The following JPH2 variants were observed in gnomAD, a reference collection of about 807,000 sequenced individuals.
The protein encoded by JPH2 is junctophilin-2.
In JPH2, 38 loss-of-function variants were observed where a neutral mutation model predicts 55.9. The ratio of observed to expected loss-of-function variants is 0.68; its 90% CI spans 0.52 to 0.89. JPH2 has a LOEUF of 0.89. JPH2 is among the 40% of genes least tolerant of loss of function. JPH2 has a pLI of 0.00. For missense variants in JPH2, 964 were observed against 1,037.6 expected (o/e 0.93, Z 0.97); for synonymous variants, 480 against 472.4 (o/e 1.02, Z -0.21).
At chr20:44,128,878 T>A (rs1261733250) in intron 2 of JPH2, among the ~76,000 whole-genome samples, 1 of 152,126 alleles carries the variant, frequency 6.6e-6, no homozygotes, top group East Asian at 1.9e-4. Context: ...CCAAGTTGGT[T>A]AGGAACACAG....
chr20:44,160,126 A>G lies in JPH2; in HGVS notation c.661T>C (p.Phe221Leu), dbSNP rs558770240. The part of the protein sequence containing the change: ...AARAPKGGGL[F>L]QRGALLGKLR... ...TTGCCCAGCAGCGCGCCCCGCTGGA[A>G]GAGGCCGCCGCCCTTGGGCGCCCGC... The change falls in exon 2 of 6, where the codon TTC becomes CTC. Residue 221 changes from phenylalanine (F) to leucine (L), a missense_variant. Phe to Leu is a conservative substitution (Grantham distance 22, BLOSUM62 0). Transcript: ENST00000372980. The surrounding 1 kb of genome is among the most constrained non-coding windows in gnomAD (Gnocchi z 4.9). The G allele has an allele frequency of 1.1e-3, 1,647 of 1,502,424 alleles. 16 individuals are homozygous for G. In the African/African-American group the frequency reaches 0.021, roughly 19 times the overall value. The allele number at this position is 1,502,424 out of a possible 1,614,324, so 93.1% of individuals were successfully genotyped here.
chr20:44,137,922 G>A (rs1268766266), intron 2 of JPH2, among the ~76,000 whole-genome samples: 1 of 152,050 alleles, frequency 6.6e-6, no homozygotes, highest in Non-Finnish European at 1.5e-5. Flanking sequence ...CTACTGGCAG[G>A]ACCAAGAATG....
In JPH2 at chr20:44,111,738, T is replaced by C. The variant is rs1330983026; in HGVS notation, c.*1780A>G. On this transcript the variant is annotated 3_prime_UTR_variant, in exon 6 of 6. Transcript: ENST00000372980. ...GTTTATTATTGCACAGACTGCAGCATCCTGAACCCCAAACCCAACCCCAAA... is the reference window on the plus strand; with the variant it reads ...GTTTATTATTGCACAGACTGCAGCACCCTGAACCCCAAACCCAACCCCAAA... The C allele has an allele frequency of 1.3e-5, 2 of 151,134 alleles. No individual in the cohort carries two copies. Among genetic ancestry groups the C allele is most frequent in the Admixed American group, 1.3e-4 (2 of 15,136 alleles). 9.4% of individuals were successfully genotyped at this position (151,134 alleles called of 1,614,324 possible).
At chr20:44,114,745 C>T in intron 5 of JPH2, 37 bp downstream of exon 5, 1 of 1,490,108 alleles carries the variant, frequency 6.7e-7, no homozygotes, top group Non-Finnish European at 9.2e-7. Flanking sequence ...CCAGGGGCTC[C>T]TGCCCCCCAA....
chr20:44,158,077 A>T (rs1304472475), intron 2 of JPH2, among the ~76,000 whole-genome samples: 1 of 152,254 alleles, frequency 6.6e-6, no homozygotes, highest in East Asian at 1.9e-4. Context: ...AGACCTCAGA[A>T]CAGTGACTGG....
At chr20:44,186,170 T>A (rs73106255) in intron 1 of JPH2, among the ~76,000 whole-genome samples, 157 bp downstream of exon 1, 1 of 152,208 alleles carries the variant, frequency 6.6e-6, no homozygotes, top group Non-Finnish European at 1.5e-5. Flanking sequence ...AAATGGAAGC[T>A]CAGAAAGGTA....
chr20:44,129,850 A>C (rs755179061), intron 2 of JPH2, among the ~76,000 whole-genome samples: 3 of 152,050 alleles, frequency 2.0e-5, no homozygotes, highest in Non-Finnish European at 4.4e-5. Context: ...TGATGATGGG[A>C]GCAGAGATGG....
At chr20:44,175,579 C>T (rs550565443) in intron 1 of JPH2, among the ~76,000 whole-genome samples, 1 of 152,330 alleles carries the variant, frequency 6.6e-6, no homozygotes, top group South Asian at 2.1e-4. Context: ...GAGGAGCTGG[C>T]GGCATTTGGG....
intron 1 of JPH2, among the ~76,000 whole-genome samples, chr20:44,175,052 A>T (rs561979168): frequency 6.6e-6 from 1 of 152,276 alleles, no homozygotes; most frequent in East Asian, 1.9e-4. Context: ...TGCAAAAAAA[A>T]TCCAAACAAG....
At chr20:44,154,963 C>G (rs1164543848) in intron 2 of JPH2, among the ~76,000 whole-genome samples, 1 of 151,640 alleles carries the variant, frequency 6.6e-6, no homozygotes, top group Non-Finnish European at 1.5e-5. Context: ...CTTCTCAGTC[C>G]CCAGGCTCAC....
intron 1 of JPH2, among the ~76,000 whole-genome samples, chr20:44,179,696 G>A (rs971696058): frequency 1.3e-5 from 2 of 152,072 alleles, no homozygotes; most frequent in Non-Finnish European, 2.9e-5. Context: ...TGGGTCTCAC[G>A]AATTATGAAG....
rs1433919656 is a variant in JPH2 at position 44,106,920 on chromosome 20, T to C, written c.*6598A>G. On this transcript the variant is annotated 3_prime_UTR_variant, in exon 6 of 6. Transcript: ENST00000372980. ...CCAGTAACAGAGCAAGGGAGGGGTA[T>C]AAAAGCCCAATGGGAGATGCTCTAC... Among the ~76,000 whole-genome samples, 1 of 152,074 alleles carries C rather than the reference T, an allele frequency of 6.6e-6. No individual in the cohort carries two copies. The highest frequency in any genetic ancestry group is 6.6e-5 in the Admixed American group (1 of 15,266).
intron 1 of JPH2, among the ~76,000 whole-genome samples, chr20:44,174,894 G>A (rs2072722136): frequency 6.6e-6 from 1 of 152,154 alleles, no homozygotes; most frequent in South Asian, 2.1e-4. Flanking sequence ...TCAGGAGGCT[G>A]ACATGGGAGG....
chr20:44,123,076 T>A (rs778605383), intron 2 of JPH2, among the ~76,000 whole-genome samples: 42 of 152,156 alleles, frequency 2.8e-4, no homozygotes, highest in Non-Finnish European at 3.7e-4. Flanking sequence ...GGACCCACTG[T>A]GCACAGCCAG....
chr20:44,185,236 G>A (rs2072823577), intron 1 of JPH2, among the ~76,000 whole-genome samples: 1 of 152,210 alleles, frequency 6.6e-6, no homozygotes, highest in Admixed American at 6.5e-5. Flanking sequence ...GAGCCCAGGA[G>A]TTCAAGGTTG....
chr20:44,159,658 C>A lies in JPH2; in HGVS notation c.1129G>T (p.Ala377Ser). 1 of 1,609,486 alleles carries A rather than the reference C, an allele frequency of 6.2e-7. No homozygotes were observed. The change falls in exon 2 of 6, where the codon GCT (alanine) becomes TCT (serine). Residue 377 changes from alanine to serine, a missense_variant. Coordinates refer to ENST00000372980, the MANE Select transcript of JPH2 (RefSeq NM_020433.5). The surrounding 1 kb of genome is among the most constrained non-coding windows in gnomAD (Gnocchi z 5.7). ...TCGGCCTTCTGGCGCGCGATAGCAGCGGCGCGCTGGGCACCCTCCACACTG... is the reference window on the plus strand; with the variant it reads ...TCGGCCTTCTGGCGCGCGATAGCAGAGGCGCGCTGGGCACCCTCCACACTG... The part of the protein sequence containing the change: ...EHSVEGAQRA[A>S]AIARQKAEIA...
intron 1 of JPH2, among the ~76,000 whole-genome samples, chr20:44,165,879 G>A (rs117545125): frequency 0.012 from 1,835 of 152,116 alleles, 19 homozygotes; most frequent in Non-Finnish European, 0.02. Context: ...CCCTACTTAC[G>A]ATTCAACCCG....
Position 44,134,103 on chromosome 20 carries a change from A to G in JPH2, c.1170-15480T>C, listed in dbSNP as rs1184084643. Among the ~76,000 whole-genome samples the G allele has an allele frequency of 5.6e-5, 2 of 35,404 alleles. 1 individual carries two copies. Among genetic ancestry groups the G allele is most frequent in the Admixed American group, 1.3e-3 (2 of 1,494 alleles). 23.2% of individuals were successfully genotyped at this position (35,404 alleles called of 152,430 possible). A position where few individuals can be genotyped will look rare whatever the true frequency, so the allele number is the denominator to read the frequency against. ...TATTTATTATAAATATATATTTATT[A>G]TAAATATATAAATAAATATTTATTA... On this transcript the variant is annotated intron_variant, in intron 2 of 5. Transcript: ENST00000372980.
intron 2 of JPH2, among the ~76,000 whole-genome samples, chr20:44,137,488 C>T (rs1361215623): frequency 1.3e-5 from 2 of 152,198 alleles, no homozygotes; most frequent in African/African-American, 2.4e-5. Context: ...CCCACTCGCA[C>T]CCCACCCCAG....
Sources: gnomAD v4.1 joint callset for allele counts (sites outside exome capture counted in the v4.1 genomes callset) on GRCh38, gnomAD v4.1.1 for gene constraint, Gnocchi (gnomAD v3.1) non-coding constraint, MANE v1.5 for transcripts, NCBI Gene and HGNC (gene_info 2026-07-23, HGNC 2026-07-21) for gene names.